The following ZNF518A variants were observed in gnomAD, a reference collection of about 807,000 sequenced individuals.
ZNF518A encodes the protein zinc finger protein 518A, also known as zinc finger protein 518.
Under a neutral mutation model 102.7 loss-of-function variants are expected in ZNF518A, and 47 were observed. The observed-to-expected ratio is 0.46, with a 90% CI of 0.36 to 0.58. The LOEUF (loss-of-function observed/expected upper bound fraction) is 0.58. ZNF518A is among the 20% of genes least tolerant of loss of function. ZNF518A has a pLI of 0.00. For missense variants in ZNF518A, 1,793 were observed against 1,699.8 expected (o/e 1.05, Z -0.96); for synonymous variants, 652 against 594.6 (o/e 1.10, Z -1.40).
intron 5 of ZNF518A, 37 bp downstream of exon 5, chr10:96,156,084 ATATT>A (rs2082681350): frequency 3.8e-6 from 1 of 265,630 alleles, no homozygotes; most frequent in South Asian, 1.2e-4. Context: ...AGTCTTTTGT[ATATT>A]TAATTTATGT....
Position 96,159,298 on chromosome 10 carries a change from T to C in ZNF518A, c.2976T>C (p.Ala992=), listed in dbSNP as rs1554885829. 3.7e-6 allele frequency: 6 copies of C among 1,613,210 alleles called. No individual in the cohort carries two copies. Among genetic ancestry groups the C allele is most frequent in the South Asian group, 1.1e-5 (1 of 90,930 alleles). Residue 992 remains alanine, a synonymous_variant, in exon 6 of 6, where the codon GCT becomes GCC. Coordinates refer to ENST00000316045, the MANE Select transcript of ZNF518A (RefSeq NM_001330736.2). ...LNNGKLEGVS[A]VKTEGAPARG... is the part of the protein sequence containing the mutation. The stretch of plus-strand genomic sequence containing the variant: ...ATGGGAAACTTGAAGGTGTTTCCGC[T>C]GTCAAAACCGAGGGTGCCCCAGCTC...
At position 96,141,748 on chromosome 10, in the gene ZNF518A, A is replaced by ATT. The variant is rs11361841; in HGVS notation, c.-302+8116_-302+8117dup. On this transcript the variant is annotated intron_variant, in intron 3 of 5. Transcript: ENST00000316045. ...CCCTACATTTCTTTTTTTCTTCTTC[A>ATT]TTTTTTTTTTTTTTTTTGAGACAGG... Among the ~76,000 whole-genome samples the ATT allele has an allele frequency of 1.8e-4, 22 of 125,066 alleles. No individual in the cohort carries two copies. The East Asian group carries it at 3.6e-3, about 20-fold the overall frequency. 82.0% of individuals were successfully genotyped at this position (125,066 alleles called of 152,430 possible).
At chr10:96,193,317 G>T (rs1172740375) in intron 1 of ZNF518A, among the ~76,000 whole-genome samples, 1 of 152,108 alleles carries the variant, frequency 6.6e-6, no homozygotes, top group Non-Finnish European at 1.5e-5. Context: ...TGGACTCAAG[G>T]GCCAGAAAAC....
chr10:96,165,044 G>T (rs966137028), downstream of ZNF518A, among the ~76,000 whole-genome samples: 1 of 152,164 alleles, frequency 6.6e-6, no homozygotes, highest in African/African-American at 2.4e-5. Context: ...TAATATCTTG[G>T]AAGTTTAAAG....
intron 1 of ZNF518A, among the ~76,000 whole-genome samples, chr10:96,175,899 C>T (rs1331918052): frequency 7.6e-6 from 1 of 131,748 alleles, no homozygotes; most frequent in Non-Finnish European, 1.6e-5. Flanking sequence ...TCCTTCCTTC[C>T]TTCCTTCCTT....
intron 3 of ZNF518A, among the ~76,000 whole-genome samples, chr10:96,142,577 GT>G (rs1199379924): frequency 7.5e-6 from 1 of 133,678 alleles, no homozygotes; most frequent in Non-Finnish European, 1.7e-5. Flanking sequence ...TAAAACTAGA[GT>G]TTTTAGTTTT....
chr10:96,193,912 A>G (rs982189148), intron 1 of ZNF518A, among the ~76,000 whole-genome samples: 8 of 152,362 alleles, frequency 5.3e-5, no homozygotes, highest in African/African-American at 1.4e-4. Flanking sequence ...TGTTCAGTGT[A>G]TAGGGGACAT....
chr10:96,159,358 T>C lies in ZNF518A; in HGVS notation c.3036T>C (p.Pro1012=), dbSNP rs2082879669. The C allele has an allele frequency of 6.2e-7, 1 of 1,613,798 alleles. No homozygotes were observed. Among genetic ancestry groups the C allele is most frequent in the Non-Finnish European group, 8.5e-7 (1 of 1,179,760 alleles). The part of the protein sequence containing the change: ...GTVTKEPCKT[P]ILKVEPNNNC... ...TGACTAAGGAGCCTTGCAAAACACCTATTTTGAAGGTAGAACCAAACAATA... is the reference window on the plus strand; with the variant it reads ...TGACTAAGGAGCCTTGCAAAACACCCATTTTGAAGGTAGAACCAAACAATA... Residue 1012 remains proline (P), a synonymous_variant, in exon 6 of 6, where the codon CCT becomes CCC. Transcript: ENST00000316045.
chr10:96,150,668 C>G (rs1176371801), intron 3 of ZNF518A, among the ~76,000 whole-genome samples: 4 of 143,838 alleles, frequency 2.8e-5, no homozygotes, highest in East Asian at 4.1e-4. Context: ...CTAGATCTTA[C>G]TGAGGTTGCT....
chr10:96,170,786 T>G (rs1280047424), intron 1 of ZNF518A, among the ~76,000 whole-genome samples: 1 of 152,112 alleles, frequency 6.6e-6, no homozygotes, highest in Non-Finnish European at 1.5e-5. Context: ...ATCAAGAAAG[T>G]GAAAAGACAA....
intron 1 of ZNF518A, among the ~76,000 whole-genome samples, chr10:96,170,630 A>G (rs1554890806): frequency 6.6e-6 from 1 of 152,214 alleles, no homozygotes; most frequent in African/African-American, 2.4e-5. Flanking sequence ...GTTCCAAAAA[A>G]GTTGATTGTG....
At chr10:96,132,998 G>T (rs1386983112) in intron 2 of ZNF518A, 4 of 152,062 alleles carry the variant, frequency 2.6e-5, no homozygotes, top group Non-Finnish European at 2.9e-5. Context: ...ACATATACAT[G>T]AGTTTTCATA....
rs1554882916 is a variant in ZNF518A, at chr10:96,157,005, G to A, written c.683G>A (p.Arg228Lys). Reference protein sequence around the residue: ...DVGTFVQHIHRHNEIHYKCGK... With the variant: ...DVGTFVQHIHKHNEIHYKCGK... ...GGCACATTTGTTCAGCACATTCATA[G>A]ACATAATGAAATTCATTATAAGTGT... The change falls in exon 6 of 6, where the codon AGA becomes AAA. Residue 228 changes from arginine (R) to lysine (K), a missense_variant. Physicochemically the swap from Arg to Lys is conservative, Grantham distance 26. Coordinates refer to ENST00000316045, the MANE Select transcript of ZNF518A (RefSeq NM_001330736.2). The A allele has an allele frequency of 6.2e-7, 1 of 1,613,638 alleles. No individual in the cohort carries two copies. The highest frequency in any genetic ancestry group is 2.2e-5 in the East Asian group (1 of 44,880).
Position 96,161,029 on chromosome 10 carries a change from C to A in ZNF518A, c.*255C>A. On this transcript the variant is annotated 3_prime_UTR_variant, in exon 6 of 6. Transcript: ENST00000316045. ...TGATTTAATTTTTTAAACGTGTTCT[C>A]GGGAAGTTAGGGCTAAAGAAAATTT... 8.3e-6 allele frequency: 3 copies of A among 360,574 alleles called. No homozygotes were observed. Among genetic ancestry groups the A allele is most frequent in the South Asian group, 1.2e-4 (1 of 8,388 alleles). 22.3% of individuals were successfully genotyped at this position (360,574 alleles called of 1,614,324 possible).
At chr10:96,168,411 C>T (rs2083155132), downstream of ZNF518A, among the ~76,000 whole-genome samples, 1 of 149,738 alleles carries the variant, frequency 6.7e-6, no homozygotes, top group African/African-American at 2.4e-5. Flanking sequence ...TTTATTTGTG[C>T]TGGTGAATAT....
At chr10:96,142,491 C>G (rs1245495969) in intron 3 of ZNF518A, among the ~76,000 whole-genome samples, 1 of 152,192 alleles carries the variant, frequency 6.6e-6, no homozygotes, top group African/African-American at 2.4e-5. Context: ...GATTGAATGA[C>G]TTAAGGAATG....
chr10:96,141,076 CAT>C (rs1491223031), intron 3 of ZNF518A, among the ~76,000 whole-genome samples: 7 of 152,170 alleles, frequency 4.6e-5, no homozygotes, highest in African/African-American at 1.7e-4. Flanking sequence ...AAATCATAGT[CAT>C]ATATTTGATT....
downstream of ZNF518A, chr10:96,204,874 G>T (rs2083754793): frequency 4.6e-6 from 2 of 436,156 alleles, no homozygotes; most frequent in African/African-American, 4.0e-5. Flanking sequence ...TGTACATAGA[G>T]ACTGAACCCA....
At position 96,156,197 on chromosome 10, in the gene ZNF518A, G is replaced by A. The variant is rs1042837246; in HGVS notation, c.-126G>A. 11 of 780,346 alleles carry A rather than the reference G, an allele frequency of 1.4e-5. No homozygotes were observed. Among genetic ancestry groups the A allele is most frequent in the Admixed American group, 3.3e-5 (1 of 30,448 alleles). 48.3% of individuals were successfully genotyped at this position (780,346 alleles called of 1,614,324 possible). A position where few individuals can be genotyped will look rare whatever the true frequency, so the allele number is the denominator to read the frequency against. On this transcript the variant is annotated splice_region_variant and 5_prime_UTR_variant, in exon 6 of 6. It adds an upstream start codon to the 5' untranslated region. Transcript: ENST00000316045. ...ATTTCAATTCTTTGTTTAATTTTAG[G>A]TGAGTTATTGTGGGAAAAATCCTGT...
Sources: gnomAD v4.1 joint callset for allele counts (sites outside exome capture counted in the v4.1 genomes callset) on GRCh38, gnomAD v4.1.1 for gene constraint, MANE v1.5 for transcripts, NCBI Gene and HGNC (gene_info 2026-07-23, HGNC 2026-07-21) for gene names.